Variants in SHTN1 observed in about 807,000 individuals in gnomAD.
SHTN1 encodes shootin 1.
Under a neutral mutation model 83.1 loss-of-function variants are expected in SHTN1, and 42 were observed. The observed-to-expected ratio is 0.51, with a 90% confidence interval of 0.39 to 0.65. The LOEUF (loss-of-function observed/expected upper bound fraction) is 0.65, where lower values mean the gene tolerates loss of function less well. SHTN1 is among the 30% of genes least tolerant of loss of function. The pLI is 0.00. For missense variants in SHTN1, 622 were observed against 737.8 expected (o/e 0.84, Z 1.82); for synonymous variants, 224 against 247.7 (o/e 0.90, Z 0.90).
chr10:116,947,685 C>G (rs1412013892), intron 7 of SHTN1, among the ~76,000 whole-genome samples: 1 of 152,136 alleles, frequency 6.6e-6, no homozygotes, highest in African/African-American at 2.4e-5. Flanking sequence ...TTTCACGTGT[C>G]CTGGCCCTTC....
At chr10:117,065,790 AAGGAAGG>A (rs1852982486) in intron 1 of SHTN1, among the ~76,000 whole-genome samples, 1 of 13,288 alleles carries the variant, frequency 7.5e-5, no homozygotes, top group Non-Finnish European at 1.5e-4. Context: ...GAAAGGAAGG[AAGGAAGG>A]AAGGAAGGAA....
At chr10:117,078,207 G>A (rs1853190650) in intron 1 of SHTN1, among the ~76,000 whole-genome samples, 1 of 152,172 alleles carries the variant, frequency 6.6e-6, no homozygotes, top group Non-Finnish European at 1.5e-5. Flanking sequence ...AGAACTATAA[G>A]AGAAGGTGAA....
chr10:116,984,425 C>T (rs1021536949), intron 1 of SHTN1, among the ~76,000 whole-genome samples: 1 of 152,128 alleles, frequency 6.6e-6, no homozygotes, highest in Non-Finnish European at 1.5e-5. Flanking sequence ...AGTTCTGGGC[C>T]GCTCTGTCAA....
At chr10:116,923,644 C>G (rs1564878704) in intron 11 of SHTN1, among the ~76,000 whole-genome samples, 1 of 151,894 alleles carries the variant, frequency 6.6e-6, no homozygotes, top group African/African-American at 2.4e-5. Flanking sequence ...CAGCTCCGAT[C>G]TCCTGCACTC....
At chr10:117,099,548 A>G (rs996469320) in intron 1 of SHTN1, among the ~76,000 whole-genome samples, 4 of 152,194 alleles carry the variant, frequency 2.6e-5, no homozygotes, top group Non-Finnish European at 5.9e-5. Flanking sequence ...TAGTGGGGCT[A>G]AAATTTGAGT....
intron 15 of SHTN1, 72 bp downstream of exon 15, chr10:116,906,555 T>C: frequency 2.1e-6 from 3 of 1,443,900 alleles, no homozygotes; most frequent in South Asian, 1.4e-5. Context: ...GATTGTTTCA[T>C]GTAAAAAGAG....
At chr10:117,053,504 T>C (rs539658062) in intron 1 of SHTN1, among the ~76,000 whole-genome samples, 2 of 152,208 alleles carry the variant, frequency 1.3e-5, no homozygotes, top group Admixed American at 6.5e-5. Flanking sequence ...TACAAACATA[T>C]GAAAAGATAC....
chr10:117,025,024 A>T lies in SHTN1; in HGVS notation c.-123+23421T>A, dbSNP rs974752900. Among the ~76,000 whole-genome samples, 4 of 152,230 alleles carry T rather than the reference A, an allele frequency of 2.6e-5. No individual in the cohort carries two copies. In the East Asian group the frequency reaches 5.8e-4, roughly 22 times the overall value. On this transcript the variant is annotated intron_variant, in intron 2 of 17. Coordinates refer to the SHTN1 transcript ENST00000392901. ...CTCGGATGGAGCAAGATGGCAGAAGAGAAGACTCCACTGATAGTTGCCCCT... is the reference window on the plus strand; with the variant it reads ...CTCGGATGGAGCAAGATGGCAGAAGTGAAGACTCCACTGATAGTTGCCCCT...
At chr10:117,053,657 A>C (rs1852781306) in intron 1 of SHTN1, among the ~76,000 whole-genome samples, 1 of 152,240 alleles carries the variant, frequency 6.6e-6, no homozygotes, top group Admixed American at 6.5e-5. Flanking sequence ...ATTGCTAGTG[A>C]GAACATGAAA....
At chr10:117,077,547 A>G (rs1853179013) in intron 1 of SHTN1, among the ~76,000 whole-genome samples, 1 of 152,060 alleles carries the variant, frequency 6.6e-6, no homozygotes, top group Non-Finnish European at 1.5e-5. Context: ...TTACATATGT[A>G]TACATGTGCC....
chr10:116,956,726 A>G (rs540244528), intron 4 of SHTN1, among the ~76,000 whole-genome samples: 1 of 152,226 alleles, frequency 6.6e-6, no homozygotes, highest in East Asian at 1.9e-4. Flanking sequence ...TTCTGCCCTC[A>G]AAAGGGTTTA....
rs1199998915 is a variant in SHTN1, at chr10:116,882,504, G to C, written c.*3840C>G. On this transcript the variant is annotated 3_prime_UTR_variant, in exon 17 of 17. Transcript: ENST00000355371. ...GGAGTAGCAGAAATAAATATATTCA[G>C]ACACAAACATATAGATATAATAATA... 4 of 151,466 alleles carry C rather than the reference G, an allele frequency of 2.6e-5. No individual in the cohort carries two copies. Among genetic ancestry groups the C allele is most frequent in the Non-Finnish European group, 5.9e-5 (4 of 67,980 alleles). The allele number at this position is 151,466 out of a possible 1,614,324, so 9.4% of individuals were successfully genotyped here. A position where few individuals can be genotyped will look rare whatever the true frequency, so the allele number is the denominator to read the frequency against.
At chr10:117,062,420 A>G (rs377452539) in intron 1 of SHTN1, among the ~76,000 whole-genome samples, 1 of 152,190 alleles carries the variant, frequency 6.6e-6, no homozygotes, top group African/African-American at 2.4e-5. Flanking sequence ...TTGGACATCA[A>G]TGAATTAGCT....
intron 16 of SHTN1, among the ~76,000 whole-genome samples, chr10:116,899,199 AT>A (rs200914256): frequency 0.01 from 1,556 of 152,300 alleles, 19 homozygotes; most frequent in African/African-American, 0.029. Flanking sequence ...GAGAGAAAAA[AT>A]AAAACAATAA....
intron 1 of SHTN1, among the ~76,000 whole-genome samples, chr10:116,998,689 G>A (rs1327963214): frequency 6.6e-6 from 1 of 152,152 alleles, no homozygotes; most frequent in African/African-American, 2.4e-5. Flanking sequence ...CAGCTTATCA[G>A]TTGGTGCATT....
chr10:117,126,420 G>C, exon 1 of SHTN1: 1 of 213,668 alleles, frequency 4.7e-6, no homozygotes, highest in South Asian at 5.3e-5. Flanking sequence ...TAGAGCGCCA[G>C]CCCTGCCTCC....
chr10:116,987,869 C>G (rs1445201433), intron 1 of SHTN1, among the ~76,000 whole-genome samples: 1 of 150,656 alleles, frequency 6.6e-6, no homozygotes, highest in Admixed American at 6.6e-5. Flanking sequence ...GAGCCAAGAT[C>G]ATGCCACTGC....
At chr10:116,984,398 C>G (rs1349816204) in intron 1 of SHTN1, among the ~76,000 whole-genome samples, 6 of 152,210 alleles carry the variant, frequency 3.9e-5, no homozygotes, top group Non-Finnish European at 7.3e-5. Flanking sequence ...TCCAACAGAA[C>G]AGACAGTTCC....
chr10:117,074,664 A>G (rs1167433502), intron 1 of SHTN1, among the ~76,000 whole-genome samples: 1 of 152,234 alleles, frequency 6.6e-6, no homozygotes, highest in Admixed American at 6.5e-5. Flanking sequence ...TTTTTATTTT[A>G]GTAACCCATG....
Sources: gnomAD v4.1 joint callset for allele counts (sites outside exome capture counted in the v4.1 genomes callset) on GRCh38, gnomAD v4.1.1 for gene constraint, MANE v1.5 for transcripts, NCBI Gene and HGNC (gene_info 2026-07-23, HGNC 2026-07-21) for gene names.